Variants in FBXW8 observed in about 807,000 individuals in gnomAD.
The protein encoded by FBXW8 is F-box/WD repeat-containing protein 8.
A neutral mutation model predicts 65.3 loss-of-function variants in FBXW8; 57 were observed. That is an observed-to-expected ratio of 0.87 (90% confidence interval 0.71 to 1.09). FBXW8 has a LOEUF of 1.09. FBXW8 is among the 50% of genes least tolerant of loss of function. The pLI is 0.00. For synonymous variants in FBXW8, 308 were observed against 330.2 expected, an observed-to-expected ratio of 0.93 and a Z score of 0.73; for missense variants, 777 against 814.8, an observed-to-expected ratio of 0.95 and a Z score of 0.57.
intron 1 of FBXW8, among the ~76,000 whole-genome samples, chr12:116,917,341 C>T (rs924423863): frequency 4.6e-5 from 7 of 152,150 alleles, no homozygotes; most frequent in South Asian, 2.1e-4. Flanking sequence ...TTGCTTGATC[C>T]ATGGGTGGCT....
At chr12:116,973,450 G>A (rs1054578893) in intron 5 of FBXW8, among the ~76,000 whole-genome samples, 8 of 152,282 alleles carry the variant, frequency 5.3e-5, no homozygotes, top group South Asian at 2.1e-4. Flanking sequence ...AACAGGAACC[G>A]TCTTAATAAA....
rs1185823075 is a variant in FBXW8, at chr12:116,936,007, C to A, written c.423+7880C>A. ...ACAGCTGAGAATAAAACATAAAAAA[C>A]CAGCTTCTCAGAGAGCTTCCATTGT... On this transcript the variant is annotated intron_variant, in intron 2 of 10. Transcript: ENST00000652555. The surrounding 1 kb of genome is among the most constrained non-coding windows in gnomAD (Gnocchi z 4.6). Among the ~76,000 whole-genome samples, 1 of 140,198 alleles carries A rather than the reference C, an allele frequency of 7.1e-6. No individual in the cohort carries two copies. Among genetic ancestry groups the A allele is most frequent in the Non-Finnish European group, 1.5e-5 (1 of 65,534 alleles). The allele number at this position is 140,198 out of a possible 152,430, so 92.0% of individuals were successfully genotyped here.
chr12:116,935,926 G>A (rs11068246), intron 2 of FBXW8, among the ~76,000 whole-genome samples: 10,605 of 152,206 alleles, frequency 0.07, 971 homozygotes, highest in African/African-American at 0.21. Flanking sequence ...TATCTCATTT[G>A]GTTATTTATA....
chr12:116,932,948 T>C (rs531209535), intron 2 of FBXW8, among the ~76,000 whole-genome samples: 2 of 152,340 alleles, frequency 1.3e-5, no homozygotes, highest in African/African-American at 4.8e-5. Context: ...GTGGGGGCAT[T>C]GGCAGATATT....
intron 4 of FBXW8, among the ~76,000 whole-genome samples, chr12:116,953,059 T>C (rs1045775164): frequency 7.2e-5 from 11 of 152,162 alleles, no homozygotes; most frequent in African/African-American, 2.7e-4. Flanking sequence ...TTTAAAACCA[T>C]GAGTGGTATG....
intron 4 of FBXW8, 194 bp downstream of exon 4, chr12:116,949,900 C>T (rs1166589179): frequency 1.7e-6 from 1 of 604,326 alleles, no homozygotes; most frequent in African/African-American, 1.8e-5. Context: ...GGGTGAGAAG[C>T]ACATGGTGTA....
intron 5 of FBXW8, chr12:116,979,376 G>A (rs1193711277): frequency 2.6e-5 from 4 of 152,204 alleles, no homozygotes; most frequent in Admixed American, 2.0e-4. Context: ...ACTGGCCATC[G>A]TTACTCATGT....
intron 7 of FBXW8, among the ~76,000 whole-genome samples, chr12:117,007,067 TGA>T (rs1221716114): frequency 6.6e-6 from 1 of 152,204 alleles, no homozygotes; most frequent in East Asian, 1.9e-4. Flanking sequence ...TGGTGATTTG[TGA>T]GAGATGAATA....
At chr12:116,949,771 C>A in intron 4 of FBXW8, 65 bp downstream of exon 4, 2 of 1,421,644 alleles carry the variant, frequency 1.4e-6, no homozygotes, top group Non-Finnish European at 2.0e-6. Flanking sequence ...TCATACCACC[C>A]TCTGAGTACC....
At chr12:116,946,027 A>G (rs1364498245) in intron 3 of FBXW8, among the ~76,000 whole-genome samples, 1 of 152,236 alleles carries the variant, frequency 6.6e-6, no homozygotes, top group African/African-American at 2.4e-5. Context: ...CTCTACGGAA[A>G]TATTAGATCA....
intron 2 of FBXW8, among the ~76,000 whole-genome samples, chr12:116,942,364 A>C (rs1882639711): frequency 7.3e-6 from 1 of 136,380 alleles, no homozygotes; most frequent in South Asian, 2.5e-4. Context: ...GACTTGCTTT[A>C]AGTTTCCTGA....
At chr12:116,937,518 A>T (rs1011650749) in intron 2 of FBXW8, among the ~76,000 whole-genome samples, 3 of 152,202 alleles carry the variant, frequency 2.0e-5, no homozygotes, top group Admixed American at 1.3e-4. Flanking sequence ...AATGTTTTCC[A>T]GGAGGAGAAA....
At chr12:116,921,125 C>T (rs1025516247) in intron 1 of FBXW8, among the ~76,000 whole-genome samples, 1 of 152,142 alleles carries the variant, frequency 6.6e-6, no homozygotes, top group East Asian at 1.9e-4. Flanking sequence ...TTGCCAGAGT[C>T]CCCAGGAGAG....
Position 116,942,626 on chromosome 12 carries a change from A to G in FBXW8, c.424-2738A>G, listed in dbSNP as rs1333069086. Among the ~76,000 whole-genome samples the G allele has an allele frequency of 3.3e-5, 5 of 152,014 alleles. No homozygotes were observed. The East Asian group carries it at 9.7e-4, about 29-fold the overall frequency. On this transcript the variant is annotated intron_variant, in intron 2 of 10. Transcript: ENST00000652555. ...TCTGACCTCGTGATCCACCTGCCTC[A>G]GCTTCCCAAAGTGCAGGGATTACAG... is the stretch of plus-strand genomic sequence containing the variant.
intron 8 of FBXW8, among the ~76,000 whole-genome samples, chr12:117,018,072 C>T (rs1954001725): frequency 6.6e-6 from 1 of 152,186 alleles, no homozygotes; most frequent in Non-Finnish European, 1.5e-5. Flanking sequence ...GCGTGCCTCC[C>T]TCTCGGTTCC....
At chr12:117,005,917 C>T (rs1215494040) in intron 7 of FBXW8, among the ~76,000 whole-genome samples, 2 of 152,238 alleles carry the variant, frequency 1.3e-5, no homozygotes, top group Non-Finnish European at 2.9e-5. Context: ...TCTCGTGCCT[C>T]TTCTCTTATA....
rs1882154404 is a variant in FBXW8, at chr12:116,936,310, G to GCCTTCC, written c.423+8183_423+8184insCCTTCC. Reference sequence around the variant, plus strand: ...TGTTGTGTTTGAAGAACAGCAGGAAGGTCCAAGTGGGTGGTTGTCGTACGC... The same window carrying GCCTTCC: ...TGTTGTGTTTGAAGAACAGCAGGAAGCCTTCCGTCCAAGTGGGTGGTTGTCGTACGC... On this transcript the variant is annotated intron_variant, in intron 2 of 10. Coordinates refer to ENST00000652555, the MANE Select transcript of FBXW8 (RefSeq NM_153348.3). This position sits in a 1 kb window ranked among gnomAD's most constrained non-coding sequence, Gnocchi z 4.6. Among the ~76,000 whole-genome samples the GCCTTCC allele has an allele frequency of 6.6e-6, 1 of 152,234 alleles. No individual in the cohort carries two copies. The highest frequency in any genetic ancestry group is 1.5e-5 in the Non-Finnish European group (1 of 68,048).
chr12:117,007,815 AAG>A (rs896528469), intron 7 of FBXW8, among the ~76,000 whole-genome samples: 16 of 152,226 alleles, frequency 1.1e-4, no homozygotes, highest in Admixed American at 3.9e-4. Flanking sequence ...ACCTTATTAA[AAG>A]AGAGAGAGTG....
intron 3 of FBXW8, among the ~76,000 whole-genome samples, chr12:116,945,822 G>A (rs140073306): frequency 1.3e-5 from 2 of 152,202 alleles, no homozygotes; most frequent in South Asian, 2.1e-4. Context: ...GGAGTGCTCT[G>A]TGCAGCCCCT....
Sources: gnomAD v4.1 joint callset for allele counts (sites outside exome capture counted in the v4.1 genomes callset) on GRCh38, gnomAD v4.1.1 for gene constraint, Gnocchi (gnomAD v3.1) non-coding constraint, MANE v1.5 for transcripts, NCBI Gene and HGNC (gene_info 2026-07-23, HGNC 2026-07-21) for gene names.